Variants in CDH6 observed in about 807,000 individuals in gnomAD.
CDH6 encodes cadherin-6.
Under a neutral mutation model 78.0 loss-of-function variants are expected in CDH6, and 31 were observed. That is an observed-to-expected ratio of 0.40 (90% CI 0.30 to 0.54). The LOEUF is 0.54. CDH6 is among the 20% of genes least tolerant of loss of function. The probability of loss-of-function intolerance (pLI) is 0.56; values close to 1 mark genes in which losing one functional copy is unlikely to be tolerated. For missense variants in CDH6, 724 were observed against 975.9 expected (o/e 0.74, Z 3.44); for synonymous variants, 376 against 368.8 (o/e 1.02, Z -0.23).
At chr5:31,271,946 T>C (rs1330560873) in intron 2 of CDH6, among the ~76,000 whole-genome samples, 1 of 152,222 alleles carries the variant, frequency 6.6e-6, no homozygotes, top group Non-Finnish European at 1.5e-5. Flanking sequence ...TTTATGATTC[T>C]AACATGTTGC....
chr5:31,265,452 C>A (rs1006515489), intron 1 of CDH6, among the ~76,000 whole-genome samples: 1 of 152,076 alleles, frequency 6.6e-6, no homozygotes, highest in Non-Finnish European at 1.5e-5. Flanking sequence ...TTTAAAATGC[C>A]GAATACTATA....
At chr5:31,284,206 A>T (rs1361902319) in intron 2 of CDH6, among the ~76,000 whole-genome samples, 3 of 152,232 alleles carry the variant, frequency 2.0e-5, no homozygotes, top group Admixed American at 1.3e-4. Flanking sequence ...GTATAAATGT[A>T]GTCACCAAGC....
chr5:31,296,522 T>C (rs1737605658), intron 3 of CDH6, among the ~76,000 whole-genome samples: 1 of 152,178 alleles, frequency 6.6e-6, no homozygotes, highest in Non-Finnish European at 1.5e-5. Context: ...ATGTTTGTGC[T>C]TTGCTGTTCC....
At chr5:31,279,235 C>T (rs1194411619) in intron 2 of CDH6, among the ~76,000 whole-genome samples, 1 of 152,064 alleles carries the variant, frequency 6.6e-6, no homozygotes, top group Non-Finnish European at 1.5e-5. Flanking sequence ...TTTTTATATA[C>T]TGTACTCTTA....
At chr5:31,272,936 G>T (rs968158152) in intron 2 of CDH6, among the ~76,000 whole-genome samples, 1 of 152,092 alleles carries the variant, frequency 6.6e-6, no homozygotes. Flanking sequence ...TGAAAATGTG[G>T]GTTCTATTTG....
chr5:31,319,761 T>A (rs1205148029), intron 11 of CDH6, among the ~76,000 whole-genome samples: 3 of 152,148 alleles, frequency 2.0e-5, no homozygotes, highest in Non-Finnish European at 4.4e-5. Context: ...AGAAAGTGGA[T>A]CATATGGTAA....
At chr5:31,204,165 C>T (rs553470624) in intron 1 of CDH6, among the ~76,000 whole-genome samples, 1 of 152,242 alleles carries the variant, frequency 6.6e-6, no homozygotes, top group South Asian at 2.1e-4. Flanking sequence ...TTTTTTTCTT[C>T]CTCAAGTTCA....
chr5:31,220,920 C>T (rs1740987181), intron 1 of CDH6, among the ~76,000 whole-genome samples: 1 of 150,534 alleles, frequency 6.6e-6, no homozygotes, highest in Non-Finnish European at 1.5e-5. Flanking sequence ...GGATTTTTTT[C>T]CATGGGGCAT....
At position 31,323,335 on chromosome 5, in the gene CDH6, C is replaced by T. The variant is rs1373010112; in HGVS notation, c.*27C>T. 4 of 1,589,352 alleles carry T rather than the reference C, an allele frequency of 2.5e-6. No individual in the cohort carries two copies. Among genetic ancestry groups the T allele is most frequent in the Non-Finnish European group, 2.6e-6 (3 of 1,163,604 alleles). On this transcript the variant is annotated 3_prime_UTR_variant, in exon 12 of 12. Transcript: ENST00000265071. Reference sequence around the variant, plus strand: ...CTGTTGCCTTTTTCATTTTCCAATACGACACTGAAATATGTGAAGTGGCTA... The same window carrying T: ...CTGTTGCCTTTTTCATTTTCCAATATGACACTGAAATATGTGAAGTGGCTA...
chr5:31,278,540 T>C (rs1331266153), intron 2 of CDH6, among the ~76,000 whole-genome samples: 1 of 152,184 alleles, frequency 6.6e-6, no homozygotes, highest in Non-Finnish European at 1.5e-5. Context: ...CAAACAGATT[T>C]GGCCAATGGA....
Position 31,327,685 on chromosome 5 carries a change from T to C in CDH6, c.*4377T>C. 5.0e-6 allele frequency: 1 copy of C among 201,798 alleles called. No homozygotes were observed. The highest frequency in any genetic ancestry group is 1.0e-5 in the Non-Finnish European group (1 of 98,272). 12.5% of individuals were successfully genotyped at this position (201,798 alleles called of 1,614,324 possible). ...CAGAGAATATAGAATTATATTATGG[T>C]CTCCTTAAATGTTTAGTAGCTCTTA... On this transcript the variant is annotated 3_prime_UTR_variant, in exon 12 of 12. Transcript: ENST00000265071.
chr5:31,307,251 A>G (rs548506145), intron 7 of CDH6, among the ~76,000 whole-genome samples: 50 of 152,342 alleles, frequency 3.3e-4, no homozygotes, highest in African/African-American at 1.1e-3. Flanking sequence ...TTAAAAGGAT[A>G]ACACTAGCTG....
chr5:31,216,909 A>G (rs1740881525), intron 1 of CDH6, among the ~76,000 whole-genome samples: 1 of 152,134 alleles, frequency 6.6e-6, no homozygotes, highest in Non-Finnish European at 1.5e-5. Context: ...ATAAGAGATG[A>G]GGAAAAGATT....
At chr5:31,296,060 A>G (rs1315766540) in intron 3 of CDH6, among the ~76,000 whole-genome samples, 1 of 152,204 alleles carries the variant, frequency 6.6e-6, no homozygotes, top group East Asian at 1.9e-4. Context: ...CATCAGCACT[A>G]TACATTCAGG....
chr5:31,199,624 G>A (rs965790491), intron 1 of CDH6, among the ~76,000 whole-genome samples: 1 of 143,464 alleles, frequency 7.0e-6, no homozygotes, highest in Non-Finnish European at 1.5e-5. Flanking sequence ...AAGGAAAAGA[G>A]TTGATAATAT....
intron 1 of CDH6, among the ~76,000 whole-genome samples, chr5:31,254,284 A>G (rs1741992387): frequency 6.6e-6 from 1 of 152,210 alleles, no homozygotes; most frequent in African/African-American, 2.4e-5. Context: ...AATGCCAAAG[A>G]TAAGTTGTAA....
At chr5:31,215,607 T>C (rs980934667) in intron 1 of CDH6, among the ~76,000 whole-genome samples, 2 of 152,120 alleles carry the variant, frequency 1.3e-5, no homozygotes, top group African/African-American at 4.8e-5. Context: ...TTGTGGGTAT[T>C]CAAAGTCTCC....
At chr5:31,211,113 C>A (rs1740694263) in intron 1 of CDH6, among the ~76,000 whole-genome samples, 1 of 152,156 alleles carries the variant, frequency 6.6e-6, no homozygotes, top group Non-Finnish European at 1.5e-5. Flanking sequence ...TGGGAATAGA[C>A]TGACTAGAAA....
intron 1 of CDH6, among the ~76,000 whole-genome samples, chr5:31,216,730 G>T (rs1740874651): frequency 6.7e-6 from 1 of 149,126 alleles, no homozygotes; most frequent in African/African-American, 2.5e-5. Flanking sequence ...TTAGAGATAG[G>T]TTTTATACAA....
Sources: allele counts gnomAD v4.1 joint callset (sites outside exome capture counted in the v4.1 genomes callset), GRCh38; gene constraint gnomAD v4.1.1; transcripts MANE v1.5; gene names NCBI Gene and HGNC (gene_info 2026-07-23, HGNC 2026-07-21).